Variants in BAZ1A observed in about 807,000 individuals in gnomAD.
BAZ1A encodes the protein bromodomain adjacent to zinc finger domain protein 1A.
A neutral mutation model predicts 185.2 loss-of-function variants in BAZ1A; 50 were observed. That is an observed-to-expected ratio of 0.27 (90% CI 0.22 to 0.34). The LOEUF is 0.34. BAZ1A is among the 10% of genes least tolerant of loss of function. BAZ1A has a pLI of 1.00. For missense variants in BAZ1A, 1,356 were observed against 1,839.9 expected, an observed-to-expected ratio of 0.74 and a Z score of 4.81; for synonymous variants, 571 against 615.6, an observed-to-expected ratio of 0.93 and a Z score of 1.07.
At chr14:34,864,284 C>T (rs1348457035) in intron 2 of BAZ1A, among the ~76,000 whole-genome samples, 3 of 151,778 alleles carry the variant, frequency 2.0e-5, no homozygotes, top group Non-Finnish European at 4.4e-5. Flanking sequence ...GCTGGGACTA[C>T]AGGTACATAC....
At chr14:34,854,607 TGTA>T (rs1430899615) in intron 3 of BAZ1A, among the ~76,000 whole-genome samples, 1 of 152,154 alleles carries the variant, frequency 6.6e-6, no homozygotes, top group Non-Finnish European at 1.5e-5. Flanking sequence ...CAATTCAAAA[TGTA>T]TACAATACAC....
intron 11 of BAZ1A, 69 bp downstream of exon 11, chr14:34,794,680 G>T: frequency 2.0e-6 from 3 of 1,498,376 alleles, no homozygotes; most frequent in Non-Finnish European, 2.7e-6. Context: ...TTACAAGGTG[G>T]CTTGTTTTTT....
intron 17 of BAZ1A, chr14:34,779,971 G>A (rs1879930944): frequency 1.9e-6 from 1 of 535,006 alleles, no homozygotes; most frequent in African/African-American, 2.0e-5. Flanking sequence ...TATAGATGGT[G>A]TGTAAATAAT....
chr14:34,764,986 G>A, intron 22 of BAZ1A, 35 bp downstream of exon 22: 1 of 1,613,218 alleles, frequency 6.2e-7, no homozygotes. Context: ...AAATCTTAAT[G>A]TCTCATTTCT....
chr14:34,863,152 CTTTTTTT>C (rs71121233), intron 2 of BAZ1A, among the ~76,000 whole-genome samples: 6 of 44,702 alleles, frequency 1.3e-4, no homozygotes, highest in African/African-American at 4.0e-4. Flanking sequence ...CCACGCTCGG[CTTTTTTT>C]TTTTTTTTTT....
At chr14:34,755,088 C>CTATATAGATGTGTCTATAT (rs1886182160) in intron 25 of BAZ1A, among the ~76,000 whole-genome samples, 174 bp from the exon 26 acceptor site, 2 of 151,706 alleles carry the variant, frequency 1.3e-5, no homozygotes, top group Admixed American at 1.3e-4. Flanking sequence ...TGTGTCTATA[C>CTATATAGATGTGTCTATAT]AGATATATAT....
chr14:34,856,839 G>A (rs1016201000), intron 3 of BAZ1A, among the ~76,000 whole-genome samples: 4 of 121,838 alleles, frequency 3.3e-5, no homozygotes, highest in African/African-American at 1.2e-4. Flanking sequence ...GCCTGGGGCA[G>A]TGAGAACGAA....
At chr14:34,819,106 A>C (rs2042046776) in intron 4 of BAZ1A, among the ~76,000 whole-genome samples, 1 of 129,810 alleles carries the variant, frequency 7.7e-6, no homozygotes, top group Non-Finnish European at 1.5e-5. Flanking sequence ...ACGCCACTGC[A>C]CTCCGACCTG....
intron 14 of BAZ1A, among the ~76,000 whole-genome samples, chr14:34,785,075 C>T (rs1272354453): frequency 1.3e-5 from 2 of 152,128 alleles, no homozygotes; most frequent in Non-Finnish European, 2.9e-5. Flanking sequence ...AGGCTGGTCT[C>T]GAACTCCTGA....
intron 17 of BAZ1A, among the ~76,000 whole-genome samples, chr14:34,777,157 A>G (rs1365362387): frequency 1.3e-5 from 2 of 152,116 alleles, no homozygotes; most frequent in African/African-American, 4.8e-5. Flanking sequence ...GCTTATAAAT[A>G]TTTGTCTTTG....
At chr14:34,807,429 A>C (rs375509514) in intron 6 of BAZ1A, 22 bp downstream of exon 6, 156 of 1,556,150 alleles carry the variant, frequency 1.0e-4, no homozygotes, top group Non-Finnish European at 1.2e-4. Context: ...TCTTCCAACA[A>C]ATAATTTCAT....
chr14:34,775,271 C>T (rs1002122840), intron 18 of BAZ1A, among the ~76,000 whole-genome samples: 1 of 152,072 alleles, frequency 6.6e-6, no homozygotes, highest in Non-Finnish European at 1.5e-5. Context: ...CTGAAGTGGT[C>T]ATGGTAACAT....
intron 3 of BAZ1A, among the ~76,000 whole-genome samples, chr14:34,844,962 T>C (rs931966553): frequency 6.6e-6 from 1 of 152,318 alleles, no homozygotes; most frequent in East Asian, 1.9e-4. Context: ...CTTAATATTT[T>C]TGGAATACAG....
At chr14:34,828,191 G>GA in intron 3 of BAZ1A, among the ~76,000 whole-genome samples, 1 of 151,194 alleles carries the variant, frequency 6.6e-6, no homozygotes, top group Non-Finnish European at 1.5e-5. Flanking sequence ...TACTCCGGAG[G>GA]CTGAGGAAGG....
rs1223955244 is a variant in BAZ1A, at chr14:34,761,830, A to G, written c.4170T>C (p.Ser1390=). The change falls in exon 24 of 27, where the codon TCT becomes TCC. Residue 1390 remains serine (S), a synonymous_variant. Transcript: ENST00000360310. Reference sequence around the variant, plus strand: ...GAGAAAGTTTTGAAGCAATATTTACAGATCTTGACTGTTCACTTGACTTTG... The same window carrying G: ...GAGAAAGTTTTGAAGCAATATTTACGGATCTTGACTGTTCACTTGACTTTG... ...IATKSSEQSR[S]VNIASKLSLQ... 6.2e-7 allele frequency: 1 copy of G among 1,614,210 alleles called. No homozygotes were observed. The highest frequency in any genetic ancestry group is 1.3e-5 in the African/African-American group (1 of 75,068).
At chr14:34,863,601 C>A (rs891920657) in intron 2 of BAZ1A, among the ~76,000 whole-genome samples, 1 of 152,142 alleles carries the variant, frequency 6.6e-6, no homozygotes, top group East Asian at 1.9e-4. Flanking sequence ...CCACCATTCC[C>A]AGCCCTATCC....
At chr14:34,873,370 TC>T (rs1200820991) in intron 2 of BAZ1A, among the ~76,000 whole-genome samples, 2 of 152,136 alleles carry the variant, frequency 1.3e-5, no homozygotes, top group African/African-American at 4.8e-5. Flanking sequence ...GAGTGATTGA[TC>T]AAGTCAGGTT....
intron 5 of BAZ1A, among the ~76,000 whole-genome samples, chr14:34,809,706 T>C (rs2041902401): frequency 6.6e-6 from 1 of 152,144 alleles, no homozygotes; most frequent in African/African-American, 2.4e-5. Context: ...ACCAAGGCTG[T>C]AACCATGGCC....
chr14:34,777,689 A>G (rs1293458904), intron 17 of BAZ1A, among the ~76,000 whole-genome samples: 2 of 150,160 alleles, frequency 1.3e-5, no homozygotes, highest in Non-Finnish European at 3.0e-5. Flanking sequence ...TTAGCTTATG[A>G]GTTATACAAA....
Sources: allele counts gnomAD v4.1 joint callset (sites outside exome capture counted in the v4.1 genomes callset), GRCh38; gene constraint gnomAD v4.1.1; transcripts MANE v1.5; gene names NCBI Gene and HGNC (gene_info 2026-07-23, HGNC 2026-07-21).